SNW1: variants seen among roughly 807,000 people sequenced by gnomAD.
SNW1 encodes SNW domain-containing protein 1.
A neutral mutation model predicts 75.6 loss-of-function variants in SNW1; 9 were observed. The ratio of observed to expected loss-of-function variants is 0.12; its 90% CI spans 0.07 to 0.21. The LOEUF (loss-of-function observed/expected upper bound fraction) is 0.21. SNW1 is among the 10% of genes least tolerant of loss of function. The pLI is 1.00. For synonymous variants in SNW1, 200 were observed against 219.1 expected (o/e 0.91, Z 0.77); for missense variants, 409 against 670.9 (o/e 0.61, Z 4.31).
At chr14:77,723,082 C>G in intron 11 of SNW1, 99 bp downstream of exon 11, 1 of 869,036 alleles carries the variant, frequency 1.2e-6, no homozygotes, top group Non-Finnish European at 1.9e-6. Context: ...CTCCTGACCT[C>G]GTGATCCGCC....
In SNW1 at chr14:77,761,043, A is replaced by G. The variant is rs756756837; in HGVS notation, c.14+71T>C. 4 of 1,614,188 alleles carry G rather than the reference A, an allele frequency of 2.5e-6. No individual in the cohort carries two copies. In the South Asian group the frequency reaches 4.4e-5, roughly 18 times the overall value. ...CGGGTCAGGTCACCGCCCGGAGGGT[A>G]TGGGAAGAGAAATGAAGAAGACTGG... On this transcript the variant is annotated intron_variant, in intron 1 of 13. Coordinates refer to ENST00000261531, the MANE Select transcript of SNW1 (RefSeq NM_012245.3).
chr14:77,757,301 G>T (rs2080848450), intron 1 of SNW1, among the ~76,000 whole-genome samples: 1 of 152,076 alleles, frequency 6.6e-6, no homozygotes. Context: ...TGCTATGACA[G>T]TCTACATGAG....
rs35483765 is a variant in SNW1, at chr14:77,733,742, C to CAAA, written c.775-1144_775-1142dup. Among the ~76,000 whole-genome samples, 295 of 64,846 alleles carry CAAA rather than the reference C, an allele frequency of 4.5e-3. 17 individuals are homozygous for CAAA. Among genetic ancestry groups the CAAA allele is most frequent in the East Asian group, 0.018 (33 of 1,800 alleles). The allele number at this position is 64,846 out of a possible 152,430, so 42.5% of individuals were successfully genotyped here. ...CCTGGGCAACAGAGCGAGACCGTCT[C>CAAA]AAAAAAAAAAAAAAAAAAAAAAAAA... is the stretch of plus-strand genomic sequence containing the variant. On this transcript the variant is annotated intron_variant, in intron 8 of 13. Coordinates refer to ENST00000261531, the MANE Select transcript of SNW1 (RefSeq NM_012245.3).
chr14:77,720,537 A>G (rs779413553), intron 12 of SNW1, 174 bp downstream of exon 12: 18 of 748,062 alleles, frequency 2.4e-5, no homozygotes, highest in South Asian at 1.4e-5. Flanking sequence ...TCAGCCCACT[A>G]TAAGAAGTTA....
chr14:77,746,889 A>C (rs1027992423), intron 3 of SNW1, among the ~76,000 whole-genome samples: 4 of 151,556 alleles, frequency 2.6e-5, no homozygotes, highest in Non-Finnish European at 5.9e-5. Context: ...TTGGAATTAT[A>C]GCTCCCCCTC....
At chr14:77,734,923 A>T (rs763081263) in intron 8 of SNW1, 24 bp downstream of exon 8, 9 of 1,526,032 alleles carry the variant, frequency 5.9e-6, no homozygotes, top group South Asian at 1.1e-5. Context: ...ATACTAATAG[A>T]GACTGATTTG....
chr14:77,726,150 G>GT (rs1392120303), intron 10 of SNW1, among the ~76,000 whole-genome samples: 6 of 152,096 alleles, frequency 3.9e-5, no homozygotes, highest in East Asian at 1.9e-4. Context: ...TTTTAGTATT[G>GT]TTTTTTCTAT....
intron 3 of SNW1, among the ~76,000 whole-genome samples, chr14:77,741,533 A>G (rs2080719067): frequency 6.6e-6 from 1 of 152,148 alleles, no homozygotes; most frequent in Non-Finnish European, 1.5e-5. Context: ...GATTTAGCAC[A>G]AAACACGTAC....
At chr14:77,738,200 A>G (rs972922471) in intron 5 of SNW1, among the ~76,000 whole-genome samples, 1 of 151,916 alleles carries the variant, frequency 6.6e-6, no homozygotes, top group African/African-American at 2.4e-5. Flanking sequence ...CCAGCTACTC[A>G]GGAGGCTGAG....
chr14:77,731,172 T>C (rs747490046), intron 9 of SNW1, 43 bp from the exon 10 acceptor site: 20 of 1,595,764 alleles, frequency 1.3e-5, no homozygotes, highest in Non-Finnish European at 1.7e-5. Flanking sequence ...TATCATGGGA[T>C]AAATATTTAT....
chr14:77,750,793 A>T (rs1350906332), intron 3 of SNW1, among the ~76,000 whole-genome samples: 3 of 152,222 alleles, frequency 2.0e-5, no homozygotes, highest in Non-Finnish European at 4.4e-5. Context: ...GGGCCATCCT[A>T]AATCTGGATA....
intron 3 of SNW1, among the ~76,000 whole-genome samples, chr14:77,744,994 CCACT>C (rs1211156842): frequency 6.6e-6 from 1 of 152,200 alleles, no homozygotes; most frequent in Non-Finnish European, 1.5e-5. Context: ...ACAATGGAAA[CCACT>C]ATTATTTGCT....
chr14:77,719,581 C>T (rs1443476234), intron 12 of SNW1, among the ~76,000 whole-genome samples: 1 of 152,150 alleles, frequency 6.6e-6, no homozygotes, highest in Non-Finnish European at 1.5e-5. Flanking sequence ...GTGGAGGTTG[C>T]AGTGAGCCGA....
At chr14:77,760,047 T>C (rs2080874748) in intron 1 of SNW1, among the ~76,000 whole-genome samples, 1 of 152,186 alleles carries the variant, frequency 6.6e-6, no homozygotes, top group Admixed American at 6.5e-5. Flanking sequence ...TCAATTCTTT[T>C]TGCACTAAGG....
Position 77,761,140 on chromosome 14 carries a change from C to T in SNW1, c.-13G>A, listed in dbSNP as rs374144994. 7.4e-6 allele frequency: 12 copies of T among 1,614,156 alleles called. No individual in the cohort carries two copies. Among genetic ancestry groups the T allele is most frequent in the Middle Eastern group, 1.6e-4 (1 of 6,084 alleles). On this transcript the variant is annotated 5_prime_UTR_variant, in exon 1 of 14. Coordinates refer to ENST00000261531, the MANE Select transcript of SNW1 (RefSeq NM_012245.3). ...TGGTGAGCGCCATCTTCTTCCGCTT[C>T]TTCCAGCGCGAGCGACAGCACCGCT...
intron 7 of SNW1, 38 bp downstream of exon 7, chr14:77,735,899 G>A (rs201415751): frequency 6.5e-7 from 1 of 1,531,476 alleles, no homozygotes; most frequent in Non-Finnish European, 9.0e-7. Context: ...TAATAACCAT[G>A]AGTAGAAAAA....
intron 1 of SNW1, 36 bp downstream of exon 1, chr14:77,761,078 A>G: frequency 6.2e-7 from 1 of 1,614,148 alleles, no homozygotes; most frequent in South Asian, 1.1e-5. Context: ...GTACTCCCAG[A>G]CCCTTCCGTA....
intron 1 of SNW1, among the ~76,000 whole-genome samples, chr14:77,759,257 C>A (rs527894256): frequency 3.1e-4 from 47 of 152,278 alleles, no homozygotes; most frequent in African/African-American, 9.4e-4. Context: ...GCCAGTAATG[C>A]CAGCACTGTG....
At chr14:77,738,686 TG>T (rs755584532) in intron 5 of SNW1, 91 bp downstream of exon 5, 47 of 833,624 alleles carry the variant, frequency 5.6e-5, no homozygotes, top group Non-Finnish European at 8.7e-5. Context: ...GCATTTATAA[TG>T]GTTGCTAAGT....
Sources: allele counts gnomAD v4.1 joint callset (sites outside exome capture counted in the v4.1 genomes callset), GRCh38; gene constraint gnomAD v4.1.1; transcripts MANE v1.5; gene names NCBI Gene and HGNC (gene_info 2026-07-23, HGNC 2026-07-21).